Variants in SYNE1 observed in about 807,000 individuals in gnomAD.
The protein encoded by SYNE1 is nesprin-1.
SYNE1 carries 616 observed loss-of-function variants against 1,111.0 expected under a neutral mutation model. The observed-to-expected ratio is 0.55, with a 90% CI of 0.52 to 0.59. The LOEUF (loss-of-function observed/expected upper bound fraction) is 0.59, where lower values mean the gene tolerates loss of function less well. Ranked by LOEUF, SYNE1 falls within the 20% of genes least tolerant of loss-of-function variation. The pLI is 0.00. For synonymous variants in SYNE1, 3,855 were observed against 3,825.8 expected, an observed-to-expected ratio of 1.01 and a Z score of -0.28; for missense variants, 10,006 against 10,417.0, an observed-to-expected ratio of 0.96 and a Z score of 1.72.
chr6:152,229,379 T>C (rs1032922494), intron 115 of SYNE1, among the ~76,000 whole-genome samples: 3 of 152,182 alleles, frequency 2.0e-5, no homozygotes, highest in African/African-American at 4.8e-5. Context: ...AGACTGTGTG[T>C]CCCTGAGTCA....
chr6:152,200,029 A>G (rs1053273920), intron 127 of SYNE1, among the ~76,000 whole-genome samples: 28 of 152,370 alleles, frequency 1.8e-4, no homozygotes, highest in African/African-American at 6.5e-4. Flanking sequence ...TTCAATTGTT[A>G]TACCACTGGA....
At chr6:152,430,032 G>C in intron 36 of SYNE1, 80 bp downstream of exon 36, 2 of 985,520 alleles carry the variant, frequency 2.0e-6, no homozygotes, top group Non-Finnish European at 3.1e-6. Flanking sequence ...CTCTTAAAAA[G>C]TTTACTGTAT....
chr6:152,465,766 TACACACACACACACACACACAC>T (rs71017538), intron 17 of SYNE1, among the ~76,000 whole-genome samples, 194 bp downstream of exon 17: 4 of 133,358 alleles, frequency 3.0e-5, no homozygotes, highest in Admixed American at 7.5e-5. Context: ...GAAGAACACA[TACACACACACACACACACACAC>T]ACACACACAA....
intron 108 of SYNE1, among the ~76,000 whole-genome samples, chr6:152,238,986 C>CA (rs1261421274): frequency 6.6e-6 from 1 of 151,808 alleles, no homozygotes; most frequent in African/African-American, 2.4e-5. Context: ...GCAACCACTG[C>CA]CTCCCGGTTC....
chr6:152,600,675 C>G (rs1310587152), intron 3 of SYNE1, among the ~76,000 whole-genome samples: 1 of 152,122 alleles, frequency 6.6e-6, no homozygotes, highest in East Asian at 1.9e-4. Context: ...TCATGTTTCC[C>G]TTTCTTCTTG....
intron 128 of SYNE1, chr6:152,185,535 G>A (rs1457479860): frequency 6.6e-6 from 1 of 152,178 alleles, no homozygotes; most frequent in African/African-American, 2.4e-5. Context: ...CTGGCACCTT[G>A]ATCAAACCCA....
intron 8 of SYNE1, 139 bp downstream of exon 8, chr6:152,510,053 AG>A (rs1480656234): frequency 1.1e-6 from 1 of 874,086 alleles, no homozygotes. Flanking sequence ...TCTCAATTCA[AG>A]GCAAGAGTGA....
chr6:152,624,138 G>T (rs905649172), intron 3 of SYNE1, among the ~76,000 whole-genome samples: 1 of 151,918 alleles, frequency 6.6e-6, no homozygotes, highest in East Asian at 1.9e-4. Context: ...TATTCACAAG[G>T]TTTAATAATC....
chr6:152,594,997 A>G (rs569218111), intron 3 of SYNE1, among the ~76,000 whole-genome samples: 1 of 152,260 alleles, frequency 6.6e-6, no homozygotes, highest in East Asian at 1.9e-4. Flanking sequence ...TTGCTAGTTT[A>G]CACCCTCATT....
At chr6:152,324,735 A>T (rs1238897591) in intron 81 of SYNE1, among the ~76,000 whole-genome samples, 1 of 152,106 alleles carries the variant, frequency 6.6e-6, no homozygotes. Flanking sequence ...CGGGAGGCGG[A>T]GCTTGCAGTG....
intron 145 of SYNE1, among the ~76,000 whole-genome samples, chr6:152,124,203 G>A (rs2052516063): frequency 6.6e-6 from 1 of 152,168 alleles, no homozygotes; most frequent in Non-Finnish European, 1.5e-5. Flanking sequence ...TCACTTGGGA[G>A]GCTGAGGCAG....
chr6:152,176,577 A>T lies in SYNE1; in HGVS notation c.23461-17T>A. ...TTGATAATCCTGTGTAATAAATAGC[A>T]ATCACAGAGGTCAGAAAGCATATTC... On this transcript the variant is annotated splice_polypyrimidine_tract_variant and intron_variant, in intron 129 of 145. Transcript: ENST00000367255. 6.2e-7 allele frequency: 1 copy of T among 1,613,230 alleles called. No individual in the cohort carries two copies. Among genetic ancestry groups the T allele is most frequent in the Non-Finnish European group, 8.5e-7 (1 of 1,179,244 alleles).
At position 152,255,196 on chromosome 6, in the gene SYNE1, A is replaced by G. The variant is rs1330160534; in HGVS notation, c.19261-107T>C. On this transcript the variant is annotated intron_variant, in intron 103 of 145. Transcript: ENST00000367255. ...AACTAGATCTCTCTGGCTGCTTAGT[A>G]ATAATCAGACCTAAGACAACTGGAA... 8 of 998,480 alleles carry G rather than the reference A, an allele frequency of 8.0e-6. No homozygotes were observed. The African/African-American group carries it at 8.0e-5, about 10-fold the overall frequency. 61.9% of individuals were successfully genotyped at this position (998,480 alleles called of 1,614,324 possible).
At chr6:152,431,601 G>A (rs1000919907) in intron 34 of SYNE1, among the ~76,000 whole-genome samples, 1 of 152,070 alleles carries the variant, frequency 6.6e-6, no homozygotes, top group Non-Finnish European at 1.5e-5. Context: ...TGAGAAAAAG[G>A]GCCAAATTAT....
chr6:152,140,309 A>G lies in SYNE1; in HGVS notation c.25247-148T>C, dbSNP rs111346467. 3.6e-4 allele frequency: 281 copies of G among 772,264 alleles called. No homozygotes were observed. In the African/African-American group the frequency reaches 4.0e-3, roughly 11 times the overall value. 47.8% of individuals were successfully genotyped at this position (772,264 alleles called of 1,614,324 possible). On this transcript the variant is annotated intron_variant, in intron 139 of 145. Transcript: ENST00000367255. The stretch of plus-strand genomic sequence containing the variant: ...GCATTTTCGTTGTTGTCATCTGGAA[A>G]TAACAGTTACATGGGTACAATGGCT...
At chr6:152,491,750 T>A (rs904503719) in intron 11 of SYNE1, among the ~76,000 whole-genome samples, 1 of 152,098 alleles carries the variant, frequency 6.6e-6, no homozygotes, top group African/African-American at 2.4e-5. Context: ...ATCACAAATC[T>A]TCTTTCTCTC....
intron 4 of SYNE1, among the ~76,000 whole-genome samples, chr6:152,532,393 CA>C (rs1249810048): frequency 1.3e-5 from 2 of 151,922 alleles, no homozygotes; most frequent in African/African-American, 4.8e-5. Flanking sequence ...ATTTTATCAT[CA>C]AAAAAAGCTA....
At chr6:152,456,179 A>T in intron 22 of SYNE1, 135 bp from the exon 23 acceptor site, 1 of 834,958 alleles carries the variant, frequency 1.2e-6, no homozygotes, top group Non-Finnish European at 1.8e-6. Flanking sequence ...AGTAAAACCA[A>T]AAGTATGGTG....
intron 3 of SYNE1, among the ~76,000 whole-genome samples, chr6:152,600,783 T>C (rs1410304423): frequency 6.6e-6 from 1 of 152,240 alleles, no homozygotes; most frequent in East Asian, 1.9e-4. Context: ...TAGATGGCTC[T>C]TTATTTTATA....
Sources: gnomAD v4.1 joint callset for allele counts (sites outside exome capture counted in the v4.1 genomes callset) on GRCh38, gnomAD v4.1.1 for gene constraint, MANE v1.5 for transcripts, NCBI Gene and HGNC (gene_info 2026-07-23, HGNC 2026-07-21) for gene names.